The following SHC4 variants were observed in gnomAD, a reference collection of about 807,000 sequenced individuals.
SHC4 encodes the protein SHC-transforming protein 4.
In SHC4, 41 loss-of-function variants were observed where a neutral mutation model predicts 69.4. That is an observed-to-expected ratio of 0.59 (90% CI 0.46 to 0.77). The LOEUF (loss-of-function observed/expected upper bound fraction) is 0.77. Ranked by LOEUF, SHC4 falls within the 30% of genes least tolerant of loss-of-function variation. The pLI is 0.00. For missense variants in SHC4, 777 were observed against 783.8 expected (o/e 0.99, Z 0.10); for synonymous variants, 318 against 299.3 (o/e 1.06, Z -0.64).
At chr15:48,914,205 T>C (rs1900573023) in intron 2 of SHC4, among the ~76,000 whole-genome samples, 1 of 152,226 alleles carries the variant, frequency 6.6e-6, no homozygotes, top group African/African-American at 2.4e-5. Context: ...CTTGATTGTC[T>C]CCCACATTAG....
intron 1 of SHC4, among the ~76,000 whole-genome samples, chr15:48,926,886 C>G (rs542040996): frequency 2.0e-5 from 3 of 152,140 alleles, no homozygotes; most frequent in African/African-American, 7.2e-5. Context: ...CTCATCCAGA[C>G]TCCTGTTAGT....
At chr15:48,909,228 C>T (rs991435481) in intron 2 of SHC4, among the ~76,000 whole-genome samples, 1 of 150,932 alleles carries the variant, frequency 6.6e-6, no homozygotes, top group Non-Finnish European at 1.5e-5. Context: ...TTTCTTTCAG[C>T]ATTGTTTTGT....
intron 3 of SHC4, among the ~76,000 whole-genome samples, chr15:48,889,738 G>C (rs1217412169): frequency 6.6e-6 from 1 of 152,190 alleles, no homozygotes; most frequent in African/African-American, 2.4e-5. Flanking sequence ...CAGCTACTCG[G>C]GGGGCTGAGG....
intron 1 of SHC4, among the ~76,000 whole-genome samples, chr15:48,932,055 T>C (rs963023087): frequency 5.9e-5 from 9 of 152,264 alleles, no homozygotes; most frequent in African/African-American, 2.2e-4. Flanking sequence ...TTTATTCTAC[T>C]GTTGACTTTA....
At chr15:48,857,354 GAGA>G in intron 7 of SHC4, among the ~76,000 whole-genome samples, 1 of 151,982 alleles carries the variant, frequency 6.6e-6, no homozygotes, top group African/African-American at 2.4e-5. Flanking sequence ...AAACAAATCT[GAGA>G]AGTTTATTGA....
intron 2 of SHC4, among the ~76,000 whole-genome samples, chr15:48,893,839 G>T (rs1039639148): frequency 6.6e-6 from 1 of 152,206 alleles, no homozygotes; most frequent in Non-Finnish European, 1.5e-5. Context: ...CAGGTGGGGC[G>T]TGGTGGCACA....
At chr15:48,829,957 G>C (rs1397348609) in intron 11 of SHC4, among the ~76,000 whole-genome samples, 1 of 152,150 alleles carries the variant, frequency 6.6e-6, no homozygotes, top group East Asian at 1.9e-4. Context: ...GTTTCTTATA[G>C]ATAGCATGTA....
At position 48,859,800 on chromosome 15, in the gene SHC4, C is replaced by T. The variant is rs16961750; in HGVS notation, c.947-1985G>A. Among the ~76,000 whole-genome samples, 1,284 of 152,282 alleles carry T rather than the reference C, an allele frequency of 8.4e-3. 10 individuals are homozygous for T. Among genetic ancestry groups the T allele is most frequent in the African/African-American group, 0.029 (1,216 of 41,560 alleles). ...ATTTGTGGAAATAGTCTCCTCCTTGCTAGTCAGGCCTCATATCCGGAGACC... is the reference window on the plus strand; with the variant it reads ...ATTTGTGGAAATAGTCTCCTCCTTGTTAGTCAGGCCTCATATCCGGAGACC... On this transcript the variant is annotated intron_variant, in intron 6 of 11. Coordinates refer to ENST00000332408, the MANE Select transcript of SHC4 (RefSeq NM_203349.4).
At chr15:48,945,964 A>G (rs962836180) in intron 1 of SHC4, 11 of 152,240 alleles carry the variant, frequency 7.2e-5, no homozygotes, top group African/African-American at 2.4e-4. Flanking sequence ...TCATCTGTCT[A>G]TGAAGAGAAG....
intron 3 of SHC4, among the ~76,000 whole-genome samples, chr15:48,884,582 C>T (rs981855691): frequency 2.0e-4 from 30 of 152,062 alleles, no homozygotes; most frequent in African/African-American, 7.2e-4. Context: ...GAAATTTAGG[C>T]CCTCAGAACT....
intron 9 of SHC4, among the ~76,000 whole-genome samples, chr15:48,848,673 A>C (rs892119300): frequency 1.3e-5 from 2 of 152,218 alleles, no homozygotes; most frequent in Non-Finnish European, 2.9e-5. Flanking sequence ...AATAAGAATA[A>C]GGGATTATGT....
intron 2 of SHC4, among the ~76,000 whole-genome samples, chr15:48,894,945 G>A (rs925348088): frequency 3.3e-5 from 5 of 151,772 alleles, no homozygotes; most frequent in South Asian, 2.1e-4. Flanking sequence ...GGCAAAAACC[G>A]CCACAATTAG....
At chr15:48,831,560 A>C (rs767631005) in intron 11 of SHC4, among the ~76,000 whole-genome samples, 2 of 152,258 alleles carry the variant, frequency 1.3e-5, no homozygotes, top group Non-Finnish European at 2.9e-5. Context: ...GCAACCTACA[A>C]GCAATAGGTT....
At chr15:48,906,675 C>T (rs1900410890) in intron 2 of SHC4, among the ~76,000 whole-genome samples, 1 of 152,210 alleles carries the variant, frequency 6.6e-6, no homozygotes, top group Non-Finnish European at 1.5e-5. Flanking sequence ...CCCTGCACTC[C>T]TGCTGCCAAG....
chr15:48,874,575 C>T lies in SHC4; in HGVS notation c.841-2433G>A, dbSNP rs565559498. On this transcript the variant is annotated intron_variant, in intron 4 of 11. Transcript: ENST00000332408. Reference sequence around the variant, plus strand: ...ATTGTGAACTACACATACGAGGGATCTAGGTTGCATGCTCCTTATGAGAAT... The same window carrying T: ...ATTGTGAACTACACATACGAGGGATTTAGGTTGCATGCTCCTTATGAGAAT... 2.0e-5 allele frequency among the ~76,000 whole-genome samples: 3 copies of T among 152,326 alleles called. No homozygotes were observed. The South Asian group carries it at 6.2e-4, about 32-fold the overall frequency.
chr15:48,872,478 T>C (rs1899698773), intron 4 of SHC4, among the ~76,000 whole-genome samples: 1 of 152,204 alleles, frequency 6.6e-6, no homozygotes, highest in South Asian at 2.1e-4. Flanking sequence ...CTCTCTGCCA[T>C]TAAAAACTAT....
In SHC4 at chr15:48,907,814, A is replaced by ATG. The variant is rs60841488; in HGVS notation, c.657-17005_657-17004dup. ...CGGTCATAAAAAGGAATGAATGAAT[A>ATG]TGTGTGTGTGTGTGTGTGTGTGTGT... On this transcript the variant is annotated intron_variant, in intron 2 of 11. Transcript: ENST00000332408. 8.2e-3 allele frequency among the ~76,000 whole-genome samples: 1,195 copies of ATG among 145,070 alleles called. 13 individuals carry two copies. The highest frequency in any genetic ancestry group is 0.019 in the African/African-American group (741 of 39,176).
At chr15:48,868,415 A>T (rs542419824) in intron 5 of SHC4, among the ~76,000 whole-genome samples, 85 of 152,300 alleles carry the variant, frequency 5.6e-4, no homozygotes, top group African/African-American at 1.9e-3. Context: ...TTATTTGATC[A>T]ATATACAGAA....
intron 9 of SHC4, among the ~76,000 whole-genome samples, chr15:48,845,247 G>T (rs537471252): frequency 6.6e-6 from 1 of 152,246 alleles, no homozygotes; most frequent in East Asian, 1.9e-4. Flanking sequence ...GTAACTCATA[G>T]TATGGAAAGT....
Sources: gnomAD v4.1 joint callset for allele counts (sites outside exome capture counted in the v4.1 genomes callset) on GRCh38, gnomAD v4.1.1 for gene constraint, MANE v1.5 for transcripts, NCBI Gene and HGNC (gene_info 2026-07-23, HGNC 2026-07-21) for gene names.